SLC25A26: variants seen among roughly 807,000 people sequenced by gnomAD.
The protein encoded by SLC25A26 is mitochondrial S-adenosylmethionine carrier protein.
SLC25A26 carries 36 observed loss-of-function variants against 37.8 expected under a neutral mutation model. That is an observed-to-expected ratio of 0.95 (90% CI 0.73 to 1.26). The LOEUF (loss-of-function observed/expected upper bound fraction) is 1.26. Among genes scored for constraint, SLC25A26 ranks in the 50% most tolerant of loss-of-function variants. The pLI, the probability that SLC25A26 is intolerant of heterozygous loss-of-function variation, is 0.00. For synonymous variants in SLC25A26, 129 were observed against 122.5 expected (o/e 1.05, Z -0.35); for missense variants, 390 against 331.1 (o/e 1.18, Z -1.38).
At position 66,377,951 on chromosome 3, in the gene SLC25A26, G is replaced by T; in HGVS notation, c.*144G>T. On this transcript the variant is annotated 3_prime_UTR_variant, in exon 10 of 10. Coordinates refer to ENST00000354883, the MANE Select transcript of SLC25A26 (RefSeq NM_001379210.1). Reference sequence around the variant, plus strand: ...TACCGGCATGGAGATTGTGCCATCCGTGGTATAGGCTGGCTGGTATGAAGT... The same window carrying T: ...TACCGGCATGGAGATTGTGCCATCCTTGGTATAGGCTGGCTGGTATGAAGT... 2 of 657,164 alleles carry T rather than the reference G, an allele frequency of 3.0e-6. No homozygotes were observed. The highest frequency in any genetic ancestry group is 1.9e-5 in the South Asian group (1 of 52,384). The allele number at this position is 657,164 out of a possible 1,614,324, so 40.7% of individuals were successfully genotyped here. A position where few individuals can be genotyped will look rare whatever the true frequency, so the allele number is the denominator to read the frequency against.
chr3:66,289,273 T>G (rs1339688089), intron 5 of SLC25A26, among the ~76,000 whole-genome samples: 1 of 152,232 alleles, frequency 6.6e-6, no homozygotes, highest in African/African-American at 2.4e-5. Flanking sequence ...TTCTGTAGGT[T>G]GCCTATTCAC....
At chr3:66,346,301 G>T in intron 5 of SLC25A26, 63 bp from the exon 6 acceptor site, 2 of 775,098 alleles carry the variant, frequency 2.6e-6, no homozygotes, top group East Asian at 5.6e-5. Flanking sequence ...GGCTCGTATA[G>T]TCATACAGGC....
chr3:66,325,015 A>T (rs2075800690), intron 5 of SLC25A26, among the ~76,000 whole-genome samples: 2 of 152,160 alleles, frequency 1.3e-5, no homozygotes, highest in African/African-American at 4.8e-5. Flanking sequence ...GGGCTTATAT[A>T]CTATCTTATT....
At chr3:66,329,636 A>C (rs1464401598) in intron 5 of SLC25A26, among the ~76,000 whole-genome samples, 1 of 152,224 alleles carries the variant, frequency 6.6e-6, no homozygotes, top group Non-Finnish European at 1.5e-5. Flanking sequence ...TAAATGTAAG[A>C]AAATTGAAAG....
intron 1 of SLC25A26, among the ~76,000 whole-genome samples, chr3:66,194,807 G>A (rs1215122804): frequency 6.6e-6 from 1 of 152,210 alleles, no homozygotes; most frequent in African/African-American, 2.4e-5. Flanking sequence ...CTTCGTGTTG[G>A]CCAGGCTGGT....
rs1325277728 is a variant in SLC25A26, at chr3:66,378,068, T to A, written c.*261T>A. 5.5e-6 allele frequency: 2 copies of A among 361,198 alleles called. No homozygotes were observed. The highest frequency in any genetic ancestry group is 1.0e-5 in the Non-Finnish European group (2 of 198,464). 22.4% of individuals were successfully genotyped at this position (361,198 alleles called of 1,614,324 possible). ...CCTCAGAACCTCTTAATAAATAAGTTTGGTAATGCTGAGGCCAGGCCTTTT... is the reference window on the plus strand; with the variant it reads ...CCTCAGAACCTCTTAATAAATAAGTATGGTAATGCTGAGGCCAGGCCTTTT... On this transcript the variant is annotated 3_prime_UTR_variant, in exon 10 of 10. Coordinates refer to ENST00000354883, the MANE Select transcript of SLC25A26 (RefSeq NM_001379210.1).
intron 1 of SLC25A26, among the ~76,000 whole-genome samples, chr3:66,234,742 G>T (rs2072193570): frequency 1.3e-5 from 2 of 152,120 alleles, no homozygotes; most frequent in South Asian, 4.1e-4. Flanking sequence ...TTGTAGCATT[G>T]CACATTTTGT....
intron 1 of SLC25A26, among the ~76,000 whole-genome samples, chr3:66,202,425 A>G (rs1382668400): frequency 1.3e-5 from 2 of 151,986 alleles, no homozygotes; most frequent in Non-Finnish European, 2.9e-5. Flanking sequence ...TGGGGCTTAA[A>G]ACCTAGATGA....
At chr3:66,207,115 A>C (rs1226874249) in intron 1 of SLC25A26, among the ~76,000 whole-genome samples, 3 of 151,932 alleles carry the variant, frequency 2.0e-5, no homozygotes, top group African/African-American at 7.3e-5. Context: ...ATATTTTCTT[A>C]GCTTTTTAGA....
chr3:66,250,421 T>G (rs73833423), intron 3 of SLC25A26, among the ~76,000 whole-genome samples: 10,450 of 152,298 alleles, frequency 0.069, 443 homozygotes, highest in African/African-American at 0.12. Flanking sequence ...TCTACTTAAA[T>G]GACTTTACAA....
At chr3:66,148,901 A>G (rs1034234354) in intron 1 of SLC25A26, among the ~76,000 whole-genome samples, 1 of 152,198 alleles carries the variant, frequency 6.6e-6, no homozygotes, top group African/African-American at 2.4e-5. Context: ...TTCTCAACAT[A>G]GGAGCATTAG....
At chr3:66,279,960 TGGTA>T (rs1050073152) in intron 5 of SLC25A26, among the ~76,000 whole-genome samples, 1 of 152,208 alleles carries the variant, frequency 6.6e-6, no homozygotes, top group African/African-American at 2.4e-5. Flanking sequence ...GTCATTTACC[TGGTA>T]GAGGATACCA....
chr3:66,224,233 G>C (rs782763270), intron 1 of SLC25A26, among the ~76,000 whole-genome samples: 1 of 152,152 alleles, frequency 6.6e-6, no homozygotes, highest in Non-Finnish European at 1.5e-5. Flanking sequence ...GGATTACATC[G>C]TGTTAGTCTG....
At chr3:66,291,324 G>A (rs9825177) in intron 5 of SLC25A26, among the ~76,000 whole-genome samples, 5,436 of 150,840 alleles carry the variant, frequency 0.036, 336 homozygotes, top group African/African-American at 0.12. Flanking sequence ...ATTTCTGCTC[G>A]TAGTTATTTC....
intron 3 of SLC25A26, among the ~76,000 whole-genome samples, chr3:66,248,751 T>A (rs1038354051): frequency 3.9e-5 from 6 of 152,168 alleles, no homozygotes; most frequent in African/African-American, 1.2e-4. Flanking sequence ...AGGAAATAAA[T>A]GATATCATGT....
chr3:66,150,520 T>TAA (rs2070184379), intron 1 of SLC25A26, among the ~76,000 whole-genome samples: 2 of 85,772 alleles, frequency 2.3e-5, no homozygotes, highest in South Asian at 3.2e-4. Context: ...TATATATATA[T>TAA]AATGATATAT....
intron 1 of SLC25A26, among the ~76,000 whole-genome samples, chr3:66,184,537 G>A (rs1274567090): frequency 3.3e-5 from 1 of 30,400 alleles, no homozygotes; most frequent in Non-Finnish European, 6.3e-5. Context: ...TAACACTTTA[G>A]CTGGGCCAGA....
At chr3:66,164,756 G>T (rs765711219) in intron 1 of SLC25A26, among the ~76,000 whole-genome samples, 1 of 152,110 alleles carries the variant, frequency 6.6e-6, no homozygotes, top group Admixed American at 6.6e-5. Context: ...GTAAAAACAG[G>T]CTGTGGGCCA....
intron 1 of SLC25A26, among the ~76,000 whole-genome samples, chr3:66,175,504 C>T (rs1298888119): frequency 6.6e-6 from 1 of 152,134 alleles, no homozygotes; most frequent in Non-Finnish European, 1.5e-5. Context: ...GGATTACAGG[C>T]ATGAGCCACC....
Sources: gnomAD v4.1 joint callset for allele counts (sites outside exome capture counted in the v4.1 genomes callset) on GRCh38, gnomAD v4.1.1 for gene constraint, MANE v1.5 for transcripts, NCBI Gene and HGNC (gene_info 2026-07-23, HGNC 2026-07-21) for gene names.